GRK6: variants seen among roughly 807,000 people sequenced by gnomAD.
The protein encoded by GRK6 is G protein-coupled receptor kinase 6.
In GRK6, 37 loss-of-function variants were observed where a neutral mutation model predicts 80.8. The ratio of observed to expected loss-of-function variants is 0.46; its 90% confidence interval spans 0.35 to 0.60. GRK6 has a LOEUF of 0.60. GRK6 is among the 20% of genes least tolerant of loss of function. The pLI is 0.00. For missense variants in GRK6, 560 were observed against 784.6 expected (o/e 0.71, Z 3.42); for synonymous variants, 295 against 320.9 (o/e 0.92, Z 0.86).
At position 177,426,757 on chromosome 5, in the gene GRK6, C is replaced by T. The variant is rs1235381004; in HGVS notation, c.-89C>T. On this transcript the variant is annotated 5_prime_UTR_variant, in exon 1 of 16. Coordinates refer to ENST00000355472, the MANE Select transcript of GRK6 (RefSeq NM_001004106.3). ...CACTGCGAGCCGAGCCGAGCCGCGC[C>T]GAGCCGCGCCGATCGCCATCCGGCC... 2 of 717,142 alleles carry T rather than the reference C, an allele frequency of 2.8e-6. No individual in the cohort carries two copies. Among genetic ancestry groups the T allele is most frequent in the African/African-American group, 1.9e-5 (1 of 51,564 alleles). The allele number at this position is 717,142 out of a possible 1,614,324, so 44.4% of individuals were successfully genotyped here.
rs1323067769 is a variant in GRK6, at chr5:177,429,772, T to C, written c.53-1100T>C. Among the ~76,000 whole-genome samples the C allele has an allele frequency of 6.6e-6, 1 of 152,180 alleles. No homozygotes were observed. Among genetic ancestry groups the C allele is most frequent in the East Asian group, 1.9e-4 (1 of 5,198 alleles). On this transcript the variant is annotated intron_variant, in intron 1 of 15. Transcript: ENST00000355472. The surrounding 1 kb of genome is among the most constrained non-coding windows in gnomAD (Gnocchi z 4.3). ...AGAAAGTGGTTGTCTAAGGTTGCCA[T>C]GGCGTTGTTGGAGTTGGGGTTCACC...
At chr5:177,432,946 G>A (rs1763975699) in intron 5 of GRK6, 140 bp downstream of exon 5, 1 of 802,032 alleles carries the variant, frequency 1.2e-6, no homozygotes, top group Non-Finnish European at 2.1e-6. Flanking sequence ...TGTGTGACCT[G>A]AGCAGGCTGC....
At position 177,429,616 on chromosome 5, in the gene GRK6, C is replaced by T. The variant is rs549438186; in HGVS notation, c.53-1256C>T. On this transcript the variant is annotated intron_variant, in intron 1 of 15. Transcript: ENST00000355472. The surrounding 1 kb of genome is among the most constrained non-coding windows in gnomAD (Gnocchi z 4.3). ...ACTTCCTTCTCCAGGCAGCTTAGGT[C>T]GGGGAGTCATCTAGGGACCTAGCCT... 3.9e-5 allele frequency among the ~76,000 whole-genome samples: 6 copies of T among 152,260 alleles called. No homozygotes were observed. Among genetic ancestry groups the T allele is most frequent in the South Asian group, 4.1e-4 (2 of 4,826 alleles).
In GRK6 at chr5:177,432,758, A is replaced by G; in HGVS notation, c.392A>G (p.Gln131Arg). ...VPRQLVTNCT[Q>R]RLEQGPCKDL... Reference sequence around the variant, plus strand: ...CGGCAGCTGGTGACGAACTGCACCCAGCGGCTGGAGCAGGGTCCCTGCAAA... The same window carrying G: ...CGGCAGCTGGTGACGAACTGCACCCGGCGGCTGGAGCAGGGTCCCTGCAAA... The change falls in exon 5 of 16, where the codon CAG (glutamine) becomes CGG (arginine). Residue 131 changes from glutamine to arginine, a missense_variant. This residue lies in a region of GRK6 where 189 missense variants were observed against 230.2 expected (regional missense o/e 0.82). Transcript: ENST00000355472. 1 of 1,612,488 alleles carries G rather than the reference A, an allele frequency of 6.2e-7. No individual in the cohort carries two copies. The highest frequency in any genetic ancestry group is 8.5e-7 in the Non-Finnish European group (1 of 1,179,514).
Position 177,426,863 on chromosome 5 carries a change from C to T in GRK6, c.18C>T (p.Ile6=). 1 of 1,371,356 alleles carries T rather than the reference C, an allele frequency of 7.3e-7. No homozygotes were observed. The highest frequency in any genetic ancestry group is 2.9e-5 in the East Asian group (1 of 34,958). The allele number at this position is 1,371,356 out of a possible 1,614,324, so 84.9% of individuals were successfully genotyped here. A position where few individuals can be genotyped will look rare whatever the true frequency, so the allele number is the denominator to read the frequency against. Residue 6 remains isoleucine, a synonymous_variant, in exon 1 of 16, where the codon ATC becomes ATT. Coordinates refer to ENST00000355472, the MANE Select transcript of GRK6 (RefSeq NM_001004106.3). MELEN[I]VANTVLLKAR... is the part of the protein sequence containing the mutation. ...CACAGCCCATGGAGCTCGAGAACAT[C>T]GTAGCGAACACGGTGCTACTCAAGG... is the stretch of plus-strand genomic sequence containing the variant.
Position 177,433,551 on chromosome 5 carries a change from G to C in GRK6, c.613G>C (p.Val205Leu). 1 of 1,614,108 alleles carries C rather than the reference G, an allele frequency of 6.2e-7. No homozygotes were observed. The highest frequency in any genetic ancestry group is 8.5e-7 in the Non-Finnish European group (1 of 1,180,024). ...GGFGEVCACQVRATGKMYACK... is the reference protein window; with the variant it reads ...GGFGEVCACQLRATGKMYACK... ...CTGGCCACAGGTGTGCGCCTGCCAG[G>C]TGCGGGCCACAGGTAAGATGTATGC... The change falls in exon 8 of 16, where the codon GTG becomes CTG. Residue 205 changes from valine to leucine, a missense_variant. Physicochemically the swap from Val to Leu is conservative, Grantham distance 32 (BLOSUM62 1). Transcript: ENST00000355472.
chr5:177,431,055 GA>G, intron 2 of GRK6, 88 bp downstream of exon 2: 1 of 1,076,438 alleles, frequency 9.3e-7, no homozygotes, highest in Non-Finnish European at 1.4e-6. Flanking sequence ...CCCCGGAGCA[GA>G]GGGGCAGACT....
intron 2 of GRK6, 51 bp downstream of exon 2, chr5:177,431,018 G>A (rs769380229): frequency 6.7e-7 from 1 of 1,493,188 alleles, no homozygotes; most frequent in African/African-American, 1.4e-5. Flanking sequence ...CCCTGCTGGG[G>A]CCGGGGGAGC....
intron 13 of GRK6, among the ~76,000 whole-genome samples, chr5:177,438,323 G>A (rs892401435): frequency 2.6e-5 from 4 of 151,936 alleles, no homozygotes; most frequent in Admixed American, 6.6e-5. Context: ...AGTTGAGATC[G>A]CGCATTGCAC....
chr5:177,438,904 A>G (rs1764314297), intron 13 of GRK6: 1 of 152,198 alleles, frequency 6.6e-6, no homozygotes. Context: ...TATGGTAACT[A>G]TGTTTAACCT....
Position 177,441,007 on chromosome 5 carries a change from C to A in GRK6, c.1631C>A (p.Pro544His). The A allele has an allele frequency of 1.9e-6, 3 of 1,613,928 alleles. No homozygotes were observed. The highest frequency in any genetic ancestry group is 2.2e-5 in the East Asian group (1 of 44,892). ...PPDLDWKGQP[P>H]APPKKGLLQR... ...GACCTGGACTGGAAGGGCCAGCCAC[C>A]TGCACCTCCTAAAAAGGGACTGCTG... The change falls in exon 15 of 16, where the codon CCT (proline) becomes CAT (histidine). Residue 544 changes from proline to histidine, a missense_variant. Transcript: ENST00000355472.
intron 1 of GRK6, among the ~76,000 whole-genome samples, chr5:177,427,098 G>A (rs770576690): frequency 6.6e-6 from 1 of 152,092 alleles, no homozygotes; most frequent in African/African-American, 2.4e-5. Flanking sequence ...AGGAAGGGGC[G>A]GGGGTCAGGC....
At chr5:177,430,723 G>A (rs573590749) in intron 1 of GRK6, 149 bp from the exon 2 acceptor site, 57 of 655,782 alleles carry the variant, frequency 8.7e-5, no homozygotes, top group African/African-American at 5.4e-5. Flanking sequence ...CAGCAAGGGC[G>A]TGCTGGAGCG....
intron 13 of GRK6, among the ~76,000 whole-genome samples, chr5:177,439,567 C>A (rs1438321655): frequency 6.6e-6 from 1 of 150,456 alleles, no homozygotes; most frequent in Non-Finnish European, 1.5e-5. Context: ...AAGTGCAATT[C>A]ATTGGCTTTT....
rs141047901 is a variant in GRK6, at chr5:177,431,886, C to T, written c.149-109C>T. The T allele has an allele frequency of 1.9e-4, 179 of 932,604 alleles. 1 individual carries two copies. The East Asian group carries it at 4.2e-3, about 22-fold the overall frequency. 57.8% of individuals were successfully genotyped at this position (932,604 alleles called of 1,614,324 possible). ...TCTGAAGAAGATTGTGGCTACCACACTGCAGAGCTGGAAGCTGTTGTGGGG... is the reference window on the plus strand; with the variant it reads ...TCTGAAGAAGATTGTGGCTACCACATTGCAGAGCTGGAAGCTGTTGTGGGG... On this transcript the variant is annotated intron_variant, in intron 2 of 15. Transcript: ENST00000355472.
Position 177,442,070 on chromosome 5 carries a change from A to G in GRK6, c.*280A>G. On this transcript the variant is annotated 3_prime_UTR_variant, in exon 16 of 16. Coordinates refer to ENST00000355472, the MANE Select transcript of GRK6 (RefSeq NM_001004106.3). The stretch of plus-strand genomic sequence containing the variant: ...TTGTACGAATGTATATAGCGACCAG[A>G]GCATTCTTAATTCCCGCCGCAGACC... 2 of 434,362 alleles carry G rather than the reference A, an allele frequency of 4.6e-6. No homozygotes were observed. Among genetic ancestry groups the G allele is most frequent in the Non-Finnish European group, 8.1e-6 (2 of 245,556 alleles). The allele number at this position is 434,362 out of a possible 1,614,324, so 26.9% of individuals were successfully genotyped here.
rs756225114 is a variant in GRK6, at chr5:177,426,835, C to T, written c.-11C>T. The stretch of plus-strand genomic sequence containing the variant: ...CGGCGCGGCCCGGCGGGCCAGGCGG[C>T]GCCACAGCCCATGGAGCTCGAGAAC... On this transcript the variant is annotated 5_prime_UTR_variant, in exon 1 of 16. Coordinates refer to ENST00000355472, the MANE Select transcript of GRK6 (RefSeq NM_001004106.3). 42 of 1,252,188 alleles carry T rather than the reference C, an allele frequency of 3.4e-5. No homozygotes were observed. The highest frequency in any genetic ancestry group is 4.6e-5 in the African/African-American group (3 of 64,576). The allele number at this position is 1,252,188 out of a possible 1,614,324, so 77.6% of individuals were successfully genotyped here. A position where few individuals can be genotyped will look rare whatever the true frequency, so the allele number is the denominator to read the frequency against.
intron 8 of GRK6, 102 bp downstream of exon 8, chr5:177,433,778 C>A (rs561412085): frequency 6.5e-7 from 1 of 1,542,664 alleles, no homozygotes; most frequent in Non-Finnish European, 8.8e-7. Flanking sequence ...CCAGGAAGGG[C>A]GGGTTTGGGG....
chr5:177,437,287 G>C (rs1383701099), intron 13 of GRK6, among the ~76,000 whole-genome samples: 1 of 152,094 alleles, frequency 6.6e-6, no homozygotes, highest in East Asian at 1.9e-4. Flanking sequence ...ATCCTCATGG[G>C]GGAAAAGAAG....
Sources: gnomAD v4.1 joint callset for allele counts (sites outside exome capture counted in the v4.1 genomes callset) on GRCh38, gnomAD v4.1.1 for gene constraint, gnomAD v4.1.1 regional missense constraint, Gnocchi (gnomAD v3.1) non-coding constraint, MANE v1.5 for transcripts, NCBI Gene and HGNC (gene_info 2026-07-23, HGNC 2026-07-21) for gene names.